SCAF8: variants seen among roughly 807,000 people sequenced by gnomAD.
SCAF8 encodes SR-related CTD associated factor 8, also known as SR-related and CTD-associated factor 8.
Under a neutral mutation model 140.5 loss-of-function variants are expected in SCAF8, and 23 were observed. The ratio of observed to expected loss-of-function variants is 0.16; its 90% confidence interval spans 0.12 to 0.23. The LOEUF (loss-of-function observed/expected upper bound fraction) is 0.23, where lower values mean the gene tolerates loss of function less well. Ranked by LOEUF, SCAF8 falls within the 10% of genes least tolerant of loss-of-function variation. The pLI is 1.00. For synonymous variants in SCAF8, 575 were observed against 528.9 expected (o/e 1.09, Z -1.20); for missense variants, 1,397 against 1,555.7 (o/e 0.90, Z 1.72).
At chr6:154,812,335 G>T (rs376293682) in intron 12 of SCAF8, among the ~76,000 whole-genome samples, 2 of 121,598 alleles carry the variant, frequency 1.6e-5, no homozygotes, top group South Asian at 2.6e-4. Flanking sequence ...TTTAAAATTA[G>T]GGTATGTACA....
At chr6:154,813,548 G>A (rs552107911) in intron 12 of SCAF8, among the ~76,000 whole-genome samples, 2 of 152,164 alleles carry the variant, frequency 1.3e-5, no homozygotes, top group South Asian at 2.1e-4. Context: ...AGGGGCGGGG[G>A]GATCTTTTCC....
At chr6:154,805,562 T>A in intron 9 of SCAF8, 76 bp downstream of exon 9, 1 of 208,984 alleles carries the variant, frequency 4.8e-6, no homozygotes, top group Non-Finnish European at 9.2e-6. Flanking sequence ...GTGGGTTGGC[T>A]TTTTTTTTTT....
At chr6:154,765,956 C>G (rs867554365) in intron 1 of SCAF8, among the ~76,000 whole-genome samples, 2 of 152,078 alleles carry the variant, frequency 1.3e-5, no homozygotes, top group Admixed American at 1.3e-4. Context: ...ACTTTTGACT[C>G]TTCCCCAACT....
intron 2 of SCAF8, among the ~76,000 whole-genome samples, chr6:154,776,335 A>T (rs920321472): frequency 5.9e-5 from 9 of 151,826 alleles, no homozygotes; most frequent in Non-Finnish European, 1.3e-4. Context: ...ACTACATTTT[A>T]TCAATCAGAT....
chr6:154,815,444 A>G (rs7763063), intron 12 of SCAF8, among the ~76,000 whole-genome samples: 91,919 of 152,130 alleles, frequency 0.6, 30,452 homozygotes, highest in East Asian at 0.91. Flanking sequence ...TCCTCTTAGA[A>G]TGGGACCCTG....
chr6:154,740,602 A>ATTTTCT (rs771817630), intron 1 of SCAF8, among the ~76,000 whole-genome samples: 4 of 146,620 alleles, frequency 2.7e-5, no homozygotes, highest in South Asian at 2.2e-4. Flanking sequence ...TGAAGTAAAG[A>ATTTTCT]TTTTCTTTTT....
intron 1 of SCAF8, among the ~76,000 whole-genome samples, chr6:154,756,572 C>G (rs1006436173): frequency 2.0e-5 from 3 of 152,142 alleles, no homozygotes; most frequent in African/African-American, 4.8e-5. Context: ...CCCCAGTTGT[C>G]TAGTTGTTTT....
intron 3 of SCAF8, among the ~76,000 whole-genome samples, chr6:154,785,623 TTTAAA>T (rs1346257290): frequency 6.6e-6 from 1 of 152,220 alleles, no homozygotes; most frequent in Non-Finnish European, 1.5e-5. Context: ...CTTTGTTGTC[TTTAAA>T]TTAATATCAC....
chr6:154,820,171 CA>C lies in SCAF8; in HGVS notation c.1636-4del. On this transcript the variant is annotated splice_region_variant and splice_polypyrimidine_tract_variant and intron_variant, in intron 14 of 19. Transcript: ENST00000367178. ...CTTTCTTTTTTCCTCTTCCCATTTA[CA>C]ATAGATCGCTTGGGCTTTAAACAAA... 1 of 1,578,872 alleles carries C rather than the reference CA, an allele frequency of 6.3e-7. No individual in the cohort carries two copies. The highest frequency in any genetic ancestry group is 8.6e-7 in the Non-Finnish European group (1 of 1,168,990).
At chr6:154,751,741 A>T (rs890174060) in intron 1 of SCAF8, among the ~76,000 whole-genome samples, 2 of 152,118 alleles carry the variant, frequency 1.3e-5, no homozygotes, top group Non-Finnish European at 2.9e-5. Context: ...GGTAGTATTT[A>T]TGTTTGGTGG....
At chr6:154,752,645 T>C (rs1778866483) in intron 1 of SCAF8, among the ~76,000 whole-genome samples, 1 of 152,252 alleles carries the variant, frequency 6.6e-6, no homozygotes, top group South Asian at 2.1e-4. Context: ...TGCTAGATTA[T>C]GTTCAGCATA....
At chr6:154,808,606 T>A in intron 10 of SCAF8, 80 bp from the exon 11 acceptor site, 1 of 937,914 alleles carries the variant, frequency 1.1e-6, no homozygotes, top group Non-Finnish European at 1.7e-6. Flanking sequence ...ATCGTCAATA[T>A]TTTTAAAAAC....
At chr6:154,770,511 C>T (rs982287810) in intron 1 of SCAF8, among the ~76,000 whole-genome samples, 20 of 151,496 alleles carry the variant, frequency 1.3e-4, no homozygotes, top group African/African-American at 3.9e-4. Flanking sequence ...GTCAAGGCTG[C>T]AGTGATCGGT....
rs1462373010 is a variant in SCAF8, at chr6:154,833,032, C to T, written c.3453C>T (p.Asp1151=). 6.2e-7 allele frequency: 1 copy of T among 1,614,088 alleles called. No homozygotes were observed. The highest frequency in any genetic ancestry group is 8.5e-7 in the Non-Finnish European group (1 of 1,180,004). The change falls in exon 20 of 20, where the codon GAC becomes GAT. Residue 1151 remains aspartate (D), a synonymous_variant. Transcript: ENST00000367178. The part of the protein sequence containing the change: ...FGQEVHRDFD[D]RRRPWERQRD... ...AAGAAGTTCACAGAGATTTTGATGA[C>T]CGCAGAAGACCCTGGGAGAGGCAAA...
At chr6:154,809,224 G>A (rs995644251) in intron 11 of SCAF8, among the ~76,000 whole-genome samples, 3 of 151,996 alleles carry the variant, frequency 2.0e-5, no homozygotes, top group African/African-American at 7.3e-5. Flanking sequence ...AAACCGTTAG[G>A]AAACAGTTTT....
intron 3 of SCAF8, among the ~76,000 whole-genome samples, chr6:154,780,841 A>G (rs1033605965): frequency 6.6e-6 from 1 of 152,136 alleles, no homozygotes; most frequent in Non-Finnish European, 1.5e-5. Flanking sequence ...ATACGTGTGC[A>G]TGCGTCTTTA....
At chr6:154,822,437 TC>T in intron 16 of SCAF8, 28 bp downstream of exon 16, 2 of 1,574,028 alleles carry the variant, frequency 1.3e-6, no homozygotes, top group Non-Finnish European at 1.7e-6. Context: ...GTTTTTTTTT[TC>T]TTGTGTTGTT....
intron 3 of SCAF8, among the ~76,000 whole-genome samples, chr6:154,780,858 A>G (rs1171757866): frequency 1.3e-5 from 2 of 152,112 alleles, no homozygotes; most frequent in Admixed American, 1.3e-4. Flanking sequence ...TTTATGGTAG[A>G]ATGATTTATA....
chr6:154,808,458 G>A (rs1583054603), intron 10 of SCAF8, among the ~76,000 whole-genome samples: 2 of 101,124 alleles, frequency 2.0e-5, no homozygotes, highest in Non-Finnish European at 3.6e-5. Flanking sequence ...TTGTTTTTGC[G>A]ATTTTTTTTT....
Sources: allele counts gnomAD v4.1 joint callset (sites outside exome capture counted in the v4.1 genomes callset), GRCh38; gene constraint gnomAD v4.1.1; transcripts MANE v1.5; gene names NCBI Gene and HGNC (gene_info 2026-07-23, HGNC 2026-07-21).